TBK1: variants seen among roughly 807,000 people sequenced by gnomAD.
The protein encoded by TBK1 is serine/threonine-protein kinase TBK1.
A neutral mutation model predicts 99.9 loss-of-function variants in TBK1; 37 were observed. The ratio of observed to expected loss-of-function variants is 0.37; its 90% CI spans 0.28 to 0.49. The LOEUF is 0.49. Ranked by LOEUF, TBK1 falls within the 20% of genes least tolerant of loss-of-function variation. The pLI is 0.98. For missense variants in TBK1, 644 were observed against 872.5 expected (o/e 0.74, Z 3.30); for synonymous variants, 258 against 279.8 (o/e 0.92, Z 0.78).
intron 3 of TBK1, 119 bp downstream of exon 3, chr12:64,460,448 A>G: frequency 1.5e-6 from 1 of 668,004 alleles, no homozygotes; most frequent in Non-Finnish European, 2.4e-6. Flanking sequence ...ACAACCAAAT[A>G]CTTTATCCTA....
At chr12:64,487,548 G>A (rs2040831599) in intron 11 of TBK1, among the ~76,000 whole-genome samples, 1 of 151,746 alleles carries the variant, frequency 6.6e-6, no homozygotes, top group African/African-American at 2.4e-5. Context: ...TGTTTTTACT[G>A]GTTTCTGGAA....
At chr12:64,473,702 A>C (rs2040682905) in intron 5 of TBK1, among the ~76,000 whole-genome samples, 1 of 152,108 alleles carries the variant, frequency 6.6e-6, no homozygotes, top group South Asian at 2.1e-4. Flanking sequence ...AAGGCTCTTA[A>C]GGTCCTCAAG....
intron 8 of TBK1, among the ~76,000 whole-genome samples, chr12:64,483,331 G>A (rs772293764): frequency 6.6e-6 from 1 of 152,148 alleles, no homozygotes; most frequent in African/African-American, 2.4e-5. Context: ...GTGACACAGT[G>A]GAGGCTTGTA....
At chr12:64,472,145 A>AT (rs2040668286) in intron 5 of TBK1, among the ~76,000 whole-genome samples, 1 of 151,574 alleles carries the variant, frequency 6.6e-6, no homozygotes, top group Non-Finnish European at 1.5e-5. Flanking sequence ...TCTAGTAGGC[A>AT]TATGTTTGGA....
At position 64,480,076 on chromosome 12, in the gene TBK1, C is replaced by T. The variant is rs2040753284; in HGVS notation, c.766C>T (p.Pro256Ser). The T allele has an allele frequency of 6.2e-7, 1 of 1,612,722 alleles. No homozygotes were observed. The highest frequency in any genetic ancestry group is 8.5e-7 in the Non-Finnish European group (1 of 1,179,326). The change falls in exon 7 of 21, where the codon CCA becomes TCA. Residue 256 changes from proline to serine, a missense_variant. Around this residue, in one of 3 missense-constraint regions of TBK1, gnomAD observed 465 missense variants for 588.0 expected, o/e 0.79. Transcript: ENST00000331710. ...ISGVQKAENG[P>S]IDWSGDMPVS... ...TGGAGTACAGAAAGCAGAAAATGGA[C>T]CAATTGACTGGAGTGGAGACATGCC...
intron 5 of TBK1, among the ~76,000 whole-genome samples, chr12:64,468,109 G>A (rs2040624719): frequency 2.0e-5 from 3 of 152,030 alleles, no homozygotes; most frequent in African/African-American, 7.2e-5. Flanking sequence ...GATCCCTTGA[G>A]CCCAGGAATT....
intron 15 of TBK1, 61 bp from the exon 16 acceptor site, chr12:64,496,306 T>C (rs1186616776): frequency 1.2e-6 from 1 of 829,374 alleles, no homozygotes; most frequent in African/African-American, 1.8e-5. Context: ...CAAAAGAAAA[T>C]ACATTGTGTA....
intron 7 of TBK1, among the ~76,000 whole-genome samples, chr12:64,480,764 G>A (rs2040761068): frequency 6.6e-6 from 1 of 152,140 alleles, no homozygotes. Context: ...ACATGCATCG[G>A]TATTTAGTAT....
intron 5 of TBK1, among the ~76,000 whole-genome samples, chr12:64,473,941 G>A (rs1485972317): frequency 3.3e-5 from 5 of 151,916 alleles, no homozygotes; most frequent in Admixed American, 2.6e-4. Context: ...AAAATAAAAC[G>A]GACACAGATT....
chr12:64,463,784 G>A (rs1319400598), intron 3 of TBK1, among the ~76,000 whole-genome samples: 1 of 151,338 alleles, frequency 6.6e-6, no homozygotes, highest in Non-Finnish European at 1.5e-5. Flanking sequence ...TTCAGATTTA[G>A]CTACTTTTTA....
chr12:64,460,554 G>A (rs910513165), intron 3 of TBK1, among the ~76,000 whole-genome samples: 8 of 152,090 alleles, frequency 5.3e-5, no homozygotes, highest in Non-Finnish European at 8.8e-5. Flanking sequence ...GGCCGGCTGC[G>A]GCTGGGTGCA....
At chr12:64,493,908 G>C (rs952402790) in intron 13 of TBK1, among the ~76,000 whole-genome samples, 1 of 152,088 alleles carries the variant, frequency 6.6e-6, no homozygotes, top group Non-Finnish European at 1.5e-5. Context: ...TACCATTATA[G>C]TGTAGGCATT....
At position 64,484,311 on chromosome 12, in the gene TBK1, T is replaced by C. The variant is rs767076633; in HGVS notation, c.1001T>C (p.Ile334Thr). 7 of 1,608,570 alleles carry C rather than the reference T, an allele frequency of 4.4e-6. No homozygotes were observed. The East Asian group carries it at 6.7e-5, about 15-fold the overall frequency. ...IYIHSYNTAT[I>T]FHELVYKQTK... is the part of the protein sequence containing the mutation. ...GAATTTTTCTCACACAGTGCTACTA[T>C]ATTTCATGAACTGGTATATAAACAA... The change falls in exon 9 of 21, where the codon ATA (isoleucine) becomes ACA (threonine). Residue 334 changes from isoleucine (I) to threonine (T), a missense_variant. Coordinates refer to ENST00000331710, the MANE Select transcript of TBK1 (RefSeq NM_013254.4).
intron 13 of TBK1, among the ~76,000 whole-genome samples, chr12:64,493,294 A>G (rs908366867): frequency 2.0e-5 from 3 of 152,280 alleles, no homozygotes; most frequent in Admixed American, 2.0e-4. Context: ...ATGATGCTTA[A>G]AAGTTTTGTC....
intron 5 of TBK1, among the ~76,000 whole-genome samples, chr12:64,470,034 T>C (rs1272610081): frequency 1.3e-5 from 2 of 152,166 alleles, no homozygotes; most frequent in Non-Finnish European, 2.9e-5. Context: ...TGTAAAGGCC[T>C]GGAGACAAGA....
At chr12:64,497,588 A>T in intron 18 of TBK1, 60 bp from the exon 19 acceptor site, 1 of 1,118,988 alleles carries the variant, frequency 8.9e-7, no homozygotes, top group South Asian at 1.5e-5. Context: ...TGTAGTAAGT[A>T]CTTTTGTTCT....
intron 20 of TBK1, among the ~76,000 whole-genome samples, chr12:64,500,742 C>T (rs1345657131): frequency 6.7e-6 from 1 of 149,208 alleles, no homozygotes; most frequent in Admixed American, 6.8e-5. Context: ...GTCACACTCC[C>T]AACTCGGTAT....
Position 64,481,822 on chromosome 12 carries a change from A to C in TBK1, c.813-20A>C. 1.3e-6 allele frequency: 2 copies of C among 1,508,986 alleles called. No individual in the cohort carries two copies. Among genetic ancestry groups the C allele is most frequent in the Non-Finnish European group, 1.8e-6 (2 of 1,130,848 alleles). The allele number at this position is 1,508,986 out of a possible 1,614,324, so 93.5% of individuals were successfully genotyped here. On this transcript the variant is annotated intron_variant, in intron 7 of 20. Transcript: ENST00000331710. ...ATATGATATATTCACTCTTCAAGTAACTTTTCAATACTATTTTAGGGGTCT... is the reference window on the plus strand; with the variant it reads ...ATATGATATATTCACTCTTCAAGTACCTTTTCAATACTATTTTAGGGGTCT...
rs918462348 is a variant in TBK1, at chr12:64,455,947, G to A, written c.77G>A (p.Gly26Glu). 8.1e-6 allele frequency: 13 copies of A among 1,612,400 alleles called. No homozygotes were observed. The highest frequency in any genetic ancestry group is 1.1e-5 in the Non-Finnish European group (13 of 1,178,982). Residue 26 changes from glycine to glutamate, a missense_variant, in exon 2 of 21, where the codon GGA becomes GAA. Gly to Glu is a moderately conservative substitution (Grantham distance 98). Around this residue, in one of 3 missense-constraint regions of TBK1, gnomAD observed 148 missense variants for 202.1 expected, o/e 0.73. Transcript: ENST00000331710. ...GGAGCTACTGCAAATGTCTTTCGTG[G>A]AAGACATAAGGTTAGTACAGAGAAA... ...GQGATANVFR[G>E]RHKKTGDLFA...
Sources: allele counts gnomAD v4.1 joint callset (sites outside exome capture counted in the v4.1 genomes callset), GRCh38; gene constraint gnomAD v4.1.1; regional missense constraint gnomAD v4.1.1; transcripts MANE v1.5; gene names NCBI Gene and HGNC (gene_info 2026-07-23, HGNC 2026-07-21).